CACNB2: variants seen among roughly 807,000 people sequenced by gnomAD.
CACNB2 encodes the protein calcium voltage-gated channel auxiliary subunit beta 2, also known as voltage-dependent L-type calcium channel subunit beta-2.
CACNB2 carries 42 observed loss-of-function variants against 73.3 expected under a neutral mutation model. The observed-to-expected ratio is 0.57, with a 90% CI of 0.45 to 0.74. The LOEUF is 0.74. Ranked by LOEUF, CACNB2 falls within the 30% of genes least tolerant of loss-of-function variation. The pLI is 0.00. For missense variants in CACNB2, 940 were observed against 853.0 expected (o/e 1.10, Z -1.27); for synonymous variants, 348 against 310.3 (o/e 1.12, Z -1.28).
chr10:18,451,183 G>A (rs555334526), intron 3 of CACNB2, among the ~76,000 whole-genome samples: 12 of 152,280 alleles, frequency 7.9e-5, no homozygotes, highest in Non-Finnish European at 5.9e-5. Context: ...TTCCTCAGTG[G>A]TTCTTGCATT....
At chr10:18,440,227 T>A (rs972459198) in intron 3 of CACNB2, among the ~76,000 whole-genome samples, 28 of 152,246 alleles carry the variant, frequency 1.8e-4, no homozygotes, top group African/African-American at 5.1e-4. Context: ...GGCCCCACAC[T>A]CATGACCTAA....
At chr10:18,355,630 C>CTTTTTTTTTTT (rs549165226) in intron 2 of CACNB2, among the ~76,000 whole-genome samples, 6 of 140,772 alleles carry the variant, frequency 4.3e-5, no homozygotes, top group African/African-American at 5.2e-5. Context: ...TGATTTTTCT[C>CTTTTTTTTTTT]TTTTTTTTTT....
At chr10:18,204,685 G>A (rs915279585) in intron 2 of CACNB2, among the ~76,000 whole-genome samples, 6 of 152,208 alleles carry the variant, frequency 3.9e-5, no homozygotes, top group African/African-American at 1.4e-4. Context: ...ATTTGGATGT[G>A]TTAAGCTCTG....
chr10:18,472,319 C>T (rs1256196394), intron 3 of CACNB2, among the ~76,000 whole-genome samples: 1 of 149,112 alleles, frequency 6.7e-6, no homozygotes, highest in African/African-American at 2.5e-5. Flanking sequence ...TCACTGCAAC[C>T]TCTACCTCCT....
chr10:18,378,365 T>C (rs566515876), intron 2 of CACNB2, among the ~76,000 whole-genome samples: 4 of 152,374 alleles, frequency 2.6e-5, no homozygotes, highest in African/African-American at 9.6e-5. Flanking sequence ...CTGCTTTTTA[T>C]AATTCTGTAG....
Position 18,446,840 on chromosome 10 carries a change from G to C in CACNB2, c.333+44797G>C, listed in dbSNP as rs186749756. 4.0e-3 allele frequency among the ~76,000 whole-genome samples: 611 copies of C among 152,222 alleles called. 3 individuals carry two copies. Among genetic ancestry groups the C allele is most frequent in the Non-Finnish European group, 7.1e-3 (480 of 68,016 alleles). On this transcript the variant is annotated intron_variant, in intron 3 of 13. Coordinates refer to ENST00000324631, the MANE Select transcript of CACNB2 (RefSeq NM_201596.3). ...AGCAGTTTGGAAGGCCGAGGCAGGA[G>C]GATCGCTGGAGCCCAGAAGTTTGAG... is the stretch of plus-strand genomic sequence containing the variant.
chr10:18,174,190 C>T (rs1260690229), intron 2 of CACNB2, among the ~76,000 whole-genome samples: 1 of 150,710 alleles, frequency 6.6e-6, no homozygotes, highest in African/African-American at 2.4e-5. Context: ...CCTTACCTCC[C>T]TCCCTCCCTC....
At chr10:18,161,301 T>A (rs2032438567) in intron 2 of CACNB2, among the ~76,000 whole-genome samples, 1 of 152,212 alleles carries the variant, frequency 6.6e-6, no homozygotes. Context: ...AATATTTTCT[T>A]ATATCCTTAG....
At chr10:18,291,984 A>C (rs530226596) in intron 2 of CACNB2, among the ~76,000 whole-genome samples, 17 of 152,310 alleles carry the variant, frequency 1.1e-4, no homozygotes, top group African/African-American at 4.1e-4. Context: ...AGACATGTAA[A>C]CACTCAGTTT....
chr10:18,201,367 TG>T (rs1395507429), intron 2 of CACNB2, among the ~76,000 whole-genome samples: 1 of 151,242 alleles, frequency 6.6e-6, no homozygotes, highest in Admixed American at 6.6e-5. Flanking sequence ...CTCCGTCTCC[TG>T]GGCTCAAGCA....
At chr10:18,518,873 T>C in intron 8 of CACNB2, 37 bp from the exon 9 acceptor site, 2 of 1,573,436 alleles carry the variant, frequency 1.3e-6, no homozygotes, top group Non-Finnish European at 8.7e-7. Flanking sequence ...GTAATTTTTT[T>C]TGGTCATATC....
intron 3 of CACNB2, among the ~76,000 whole-genome samples, chr10:18,455,567 G>A (rs773124887): frequency 6.6e-6 from 1 of 152,170 alleles, no homozygotes; most frequent in Non-Finnish European, 1.5e-5. Context: ...GTATAAAGTT[G>A]GTGTAGAAAA....
At chr10:18,315,892 A>T (rs1308221442) in intron 2 of CACNB2, among the ~76,000 whole-genome samples, 2 of 152,210 alleles carry the variant, frequency 1.3e-5, no homozygotes, top group African/African-American at 4.8e-5. Context: ...CATGCTGCTG[A>T]CACCATTCTG....
At chr10:18,280,192 T>C (rs187824901) in intron 2 of CACNB2, among the ~76,000 whole-genome samples, 124 of 151,618 alleles carry the variant, frequency 8.2e-4, no homozygotes, top group African/African-American at 2.7e-3. Flanking sequence ...TGTTTCACCA[T>C]AGCTGACACA....
At chr10:18,145,110 C>A (rs2030828361) in intron 1 of CACNB2, among the ~76,000 whole-genome samples, 1 of 152,230 alleles carries the variant, frequency 6.6e-6, no homozygotes, top group Non-Finnish European at 1.5e-5. Context: ...TTGCTCCTAG[C>A]AACAGGTCCC....
intron 2 of CACNB2, among the ~76,000 whole-genome samples, chr10:18,330,515 G>A (rs2132011013): frequency 6.6e-6 from 1 of 152,182 alleles, no homozygotes; most frequent in South Asian, 2.1e-4. Flanking sequence ...AGGTGTAGTG[G>A]TGTGTTCCTG....
At chr10:18,193,115 T>G (rs73593800) in intron 2 of CACNB2, among the ~76,000 whole-genome samples, 11,867 of 152,250 alleles carry the variant, frequency 0.078, 696 homozygotes, top group African/African-American at 0.16. Context: ...ATACAATGTA[T>G]AATGATCAAA....
At chr10:18,300,771 C>A (rs576716180) in intron 2 of CACNB2, among the ~76,000 whole-genome samples, 1 of 152,234 alleles carries the variant, frequency 6.6e-6, no homozygotes, top group Non-Finnish European at 1.5e-5. Context: ...ATTGCTTGAA[C>A]CCGGGAGGCA....
At chr10:18,397,456 C>T (rs1030446381) in intron 2 of CACNB2, among the ~76,000 whole-genome samples, 1 of 150,490 alleles carries the variant, frequency 6.6e-6, no homozygotes, top group African/African-American at 2.4e-5. Flanking sequence ...CAGAGTGAGA[C>T]TATCTCAAAA....
Sources: gnomAD v4.1 joint callset for allele counts (sites outside exome capture counted in the v4.1 genomes callset) on GRCh38, gnomAD v4.1.1 for gene constraint, MANE v1.5 for transcripts, NCBI Gene and HGNC (gene_info 2026-07-23, HGNC 2026-07-21) for gene names.